The following ERCC6L2 variants were observed in gnomAD, a reference collection of about 807,000 sequenced individuals.
The protein encoded by ERCC6L2 is DNA excision repair protein ERCC-6-like 2.
A neutral mutation model predicts 132.0 loss-of-function variants in ERCC6L2; 77 were observed. The ratio of observed to expected loss-of-function variants is 0.58; its 90% CI spans 0.49 to 0.71. The LOEUF (loss-of-function observed/expected upper bound fraction) is 0.71. Among genes scored for constraint, ERCC6L2 ranks in the 30% least tolerant of loss-of-function variants. The pLI is 0.00. For synonymous variants in ERCC6L2, 583 were observed against 632.4 expected (o/e 0.92, Z 1.17); for missense variants, 1,542 against 1,837.6 (o/e 0.84, Z 2.94).
chr9:96,005,527 G>A (rs370609254), intron 18 of ERCC6L2, among the ~76,000 whole-genome samples: 100 of 152,128 alleles, frequency 6.6e-4, no homozygotes, highest in African/African-American at 2.2e-3. Flanking sequence ...TAAGTTAAGA[G>A]CTGAAGGATA....
At chr9:95,883,365 G>A (rs150907654) in intron 2 of ERCC6L2, among the ~76,000 whole-genome samples, 103 of 152,296 alleles carry the variant, frequency 6.8e-4, no homozygotes, top group African/African-American at 2.4e-3. Flanking sequence ...TGGCTGTATG[G>A]TGAGCAGCAG....
chr9:95,997,867 T>A (rs190427285), intron 17 of ERCC6L2, among the ~76,000 whole-genome samples: 1 of 152,246 alleles, frequency 6.6e-6, no homozygotes, highest in African/African-American at 2.4e-5. Flanking sequence ...GTATGTTGTT[T>A]TATAATAAGT....
chr9:95,895,382 T>G (rs1828398797), intron 2 of ERCC6L2, among the ~76,000 whole-genome samples: 1 of 152,166 alleles, frequency 6.6e-6, no homozygotes, highest in South Asian at 2.1e-4. Flanking sequence ...CTTTATCTTT[T>G]GTTTAGACAG....
intron 19 of ERCC6L2, among the ~76,000 whole-genome samples, chr9:96,033,551 A>T (rs1048172801): frequency 2.0e-5 from 3 of 152,196 alleles, no homozygotes; most frequent in African/African-American, 7.2e-5. Context: ...CTGGCCATAA[A>T]TGAATCTTAA....
At chr9:95,899,001 A>T (rs903357876) in intron 3 of ERCC6L2, among the ~76,000 whole-genome samples, 2 of 152,184 alleles carry the variant, frequency 1.3e-5, no homozygotes, top group Non-Finnish European at 2.9e-5. Flanking sequence ...TACTGTTTTT[A>T]GCTCTGGATT....
chr9:96,026,137 G>C (rs1464118672), intron 19 of ERCC6L2: 1 of 152,338 alleles, frequency 6.6e-6, no homozygotes, highest in Non-Finnish European at 1.5e-5. Flanking sequence ...CTCCGAGATG[G>C]ACCAGCCGGC....
At chr9:96,001,140 AG>A (rs1277464854) in intron 17 of ERCC6L2, among the ~76,000 whole-genome samples, 1 of 152,160 alleles carries the variant, frequency 6.6e-6, no homozygotes, top group African/African-American at 2.4e-5. Context: ...GTGAAGCTGC[AG>A]ATCTTTGCGG....
rs1827233194 is a variant in ERCC6L2, at chr9:95,875,985, C to G, written c.-54C>G. 6.4e-7 allele frequency: 1 copy of G among 1,551,368 alleles called. No individual in the cohort carries two copies. Among genetic ancestry groups the G allele is most frequent in the Admixed American group, 1.9e-5 (1 of 52,432 alleles). ...TGCCGGCCAGCCACCTTGCTGTCCT[C>G]CGCCGCCTTCCGGGTGTTACATGCA... On this transcript the variant is annotated 5_prime_UTR_variant, in exon 1 of 19. Coordinates refer to ENST00000653738, the MANE Select transcript of ERCC6L2 (RefSeq NM_020207.7).
intron 12 of ERCC6L2, among the ~76,000 whole-genome samples, chr9:95,950,364 A>G (rs1360055035): frequency 6.6e-6 from 1 of 152,224 alleles, no homozygotes; most frequent in African/African-American, 2.4e-5. Flanking sequence ...TGAGAAAGGA[A>G]TAAAAATATG....
intron 1 of ERCC6L2, among the ~76,000 whole-genome samples, chr9:95,878,336 A>T (rs16910333): frequency 0.03 from 4,599 of 152,296 alleles, 95 homozygotes; most frequent in East Asian, 0.13. Context: ...TGCTTTAGAG[A>T]GATAGTGGCA....
chr9:95,962,757 A>G (rs913761467), intron 13 of ERCC6L2, among the ~76,000 whole-genome samples: 2 of 152,178 alleles, frequency 1.3e-5, no homozygotes, highest in African/African-American at 2.4e-5. Context: ...ATGTTCCTCT[A>G]CTTACGATGG....
intron 6 of ERCC6L2, among the ~76,000 whole-genome samples, chr9:95,920,536 C>G (rs1829813787): frequency 6.6e-6 from 1 of 152,084 alleles, no homozygotes; most frequent in Non-Finnish European, 1.5e-5. Context: ...TATACATGGA[C>G]TTTTGACTGT....
intron 6 of ERCC6L2, 102 bp downstream of exon 6, chr9:95,916,536 T>C: frequency 2.1e-6 from 2 of 971,220 alleles, no homozygotes; most frequent in Non-Finnish European, 1.5e-6. Context: ...ATACAGTTTT[T>C]TGCCTTTTAT....
intron 12 of ERCC6L2, among the ~76,000 whole-genome samples, chr9:95,949,298 A>G (rs1831215416): frequency 6.6e-6 from 1 of 152,220 alleles, no homozygotes; most frequent in Admixed American, 6.5e-5. Context: ...AGATTAAGAA[A>G]TAATGAAAAG....
At chr9:96,036,771 TTA>T (rs778660105) in intron 19 of ERCC6L2, among the ~76,000 whole-genome samples, 166 of 133,952 alleles carry the variant, frequency 1.2e-3, no homozygotes, top group Middle Eastern at 3.6e-3. Flanking sequence ...TTATTTTTAT[TTA>T]TTTTTTTTTT....
At chr9:96,001,767 G>A (rs1421889946) in intron 17 of ERCC6L2, among the ~76,000 whole-genome samples, 1 of 152,260 alleles carries the variant, frequency 6.6e-6, no homozygotes, top group Non-Finnish European at 1.5e-5. Context: ...CGTGGAGCAG[G>A]GGGTGGCGCT....
intron 18 of ERCC6L2, among the ~76,000 whole-genome samples, chr9:96,007,034 G>A (rs1404956972): frequency 6.6e-6 from 1 of 152,174 alleles, no homozygotes; most frequent in African/African-American, 2.4e-5. Context: ...AATGGAGGGA[G>A]AGAGAAGCAA....
At chr9:95,878,478 C>A (rs1431967133) in intron 1 of ERCC6L2, among the ~76,000 whole-genome samples, 1 of 151,376 alleles carries the variant, frequency 6.6e-6, no homozygotes, top group Non-Finnish European at 1.5e-5. Flanking sequence ...GATGATGATG[C>A]CAGTTTTTTG....
At position 96,015,505 on chromosome 9, in the gene ERCC6L2, A is replaced by C. The variant is rs1474657367; in HGVS notation, c.*2302A>C. Among the ~76,000 whole-genome samples, 1 of 151,406 alleles carries C rather than the reference A, an allele frequency of 6.6e-6. No individual in the cohort carries two copies. Among genetic ancestry groups the C allele is most frequent in the Non-Finnish European group, 1.5e-5 (1 of 67,790 alleles). ...GCCCAGCCAATAAATGCTATTAAAG[A>C]AACTTTTAGGCCGGGCACAGTGGCT... On this transcript the variant is annotated 3_prime_UTR_variant, in exon 19 of 19. Transcript: ENST00000653738.
Sources: gnomAD v4.1 joint callset for allele counts (sites outside exome capture counted in the v4.1 genomes callset) on GRCh38, gnomAD v4.1.1 for gene constraint, MANE v1.5 for transcripts, NCBI Gene and HGNC (gene_info 2026-07-23, HGNC 2026-07-21) for gene names.